Variants in CACNA2D3 observed in about 807,000 individuals in gnomAD.
The protein encoded by CACNA2D3 is calcium voltage-gated channel auxiliary subunit alpha2delta 3, also known as voltage-dependent calcium channel subunit alpha-2/delta-3.
Under a neutral mutation model 160.6 loss-of-function variants are expected in CACNA2D3, and 60 were observed. The observed-to-expected ratio is 0.37, with a 90% confidence interval of 0.30 to 0.46. The LOEUF is 0.46. Among genes scored for constraint, CACNA2D3 ranks in the 20% least tolerant of loss-of-function variants. The probability of loss-of-function intolerance (pLI) is 1.00; values close to 1 mark genes in which losing one functional copy is unlikely to be tolerated. For synonymous variants in CACNA2D3, 558 were observed against 492.9 expected, an observed-to-expected ratio of 1.13 and a Z score of -1.75; for missense variants, 1,205 against 1,365.0, an observed-to-expected ratio of 0.88 and a Z score of 1.85.
At chr3:54,806,497 G>A (rs1165735380) in intron 13 of CACNA2D3, among the ~76,000 whole-genome samples, 3 of 151,780 alleles carry the variant, frequency 2.0e-5, no homozygotes, top group Non-Finnish European at 2.9e-5. Flanking sequence ...AACTTACAAG[G>A]GATGTGAAGG....
intron 4 of CACNA2D3, among the ~76,000 whole-genome samples, chr3:54,495,809 C>A (rs1192622455): frequency 6.6e-6 from 1 of 152,132 alleles, no homozygotes; most frequent in African/African-American, 2.4e-5. Context: ...CTGTTGTGTA[C>A]CTCTCTAGTT....
At chr3:54,936,791 C>G (rs1456089792) in intron 27 of CACNA2D3, among the ~76,000 whole-genome samples, 1 of 152,138 alleles carries the variant, frequency 6.6e-6, no homozygotes, top group Non-Finnish European at 1.5e-5. Context: ...TGAAGCATGA[C>G]TATCAGAGTT....
chr3:54,712,403 G>A (rs553165112), intron 11 of CACNA2D3, among the ~76,000 whole-genome samples: 8 of 152,166 alleles, frequency 5.3e-5, no homozygotes, highest in East Asian at 3.9e-4. Context: ...ATTCCTATGC[G>A]TTGTGGGAGG....
chr3:55,028,309 T>A (rs1703608798), intron 35 of CACNA2D3, among the ~76,000 whole-genome samples: 1 of 152,184 alleles, frequency 6.6e-6, no homozygotes, highest in African/African-American at 2.4e-5. Flanking sequence ...TAGGGTTTAT[T>A]AAGAATGCAG....
chr3:54,614,080 T>A (rs537598005), intron 9 of CACNA2D3, among the ~76,000 whole-genome samples: 55 of 152,340 alleles, frequency 3.6e-4, no homozygotes, highest in African/African-American at 1.3e-3. Context: ...CAGCATGTTG[T>A]ACTTGGTGGC....
intron 2 of CACNA2D3, among the ~76,000 whole-genome samples, chr3:54,281,583 C>T (rs889391748): frequency 4.6e-5 from 7 of 152,128 alleles, no homozygotes; most frequent in African/African-American, 1.2e-4. Flanking sequence ...CAGATGTGTG[C>T]CCACCATGGT....
At chr3:54,631,471 C>T (rs1699236668) in intron 10 of CACNA2D3, among the ~76,000 whole-genome samples, 1 of 152,058 alleles carries the variant, frequency 6.6e-6, no homozygotes, top group African/African-American at 2.4e-5. Context: ...ATATTATTAT[C>T]TTCCTGTGTA....
chr3:54,445,628 A>G (rs1319354554), intron 4 of CACNA2D3, among the ~76,000 whole-genome samples: 1 of 151,618 alleles, frequency 6.6e-6, no homozygotes, highest in African/African-American at 2.4e-5. Context: ...TCATATCTTT[A>G]TTGCCAGTGA....
intron 27 of CACNA2D3, among the ~76,000 whole-genome samples, chr3:54,946,707 T>A (rs776377264): frequency 6.6e-6 from 1 of 152,052 alleles, no homozygotes; most frequent in South Asian, 2.1e-4. Flanking sequence ...AGCATGTTGC[T>A]TTGCTCACTT....
intron 5 of CACNA2D3, among the ~76,000 whole-genome samples, chr3:54,539,286 A>G (rs1701934050): frequency 6.6e-6 from 1 of 152,240 alleles, no homozygotes. Context: ...TAGCTGAGCA[A>G]ATGGAGAGTG....
intron 2 of CACNA2D3, among the ~76,000 whole-genome samples, chr3:54,195,421 CT>C (rs1421418502): frequency 1.3e-5 from 2 of 152,300 alleles, no homozygotes; most frequent in East Asian, 3.9e-4. Context: ...CAAAGAGAGT[CT>C]GACACAGAGA....
At chr3:54,241,154 C>G (rs2107407620) in intron 2 of CACNA2D3, among the ~76,000 whole-genome samples, 1 of 152,274 alleles carries the variant, frequency 6.6e-6, no homozygotes, top group South Asian at 2.1e-4. Flanking sequence ...TGGGGTCAGT[C>G]TATATCTTTG....
chr3:54,680,676 G>T (rs553505773), intron 11 of CACNA2D3, among the ~76,000 whole-genome samples: 1 of 152,192 alleles, frequency 6.6e-6, no homozygotes, highest in Non-Finnish European at 1.5e-5. Context: ...AGAATTGATC[G>T]AGGAGAGGCT....
At chr3:54,736,137 A>G (rs1455213855) in intron 11 of CACNA2D3, among the ~76,000 whole-genome samples, 1 of 82,786 alleles carries the variant, frequency 1.2e-5, no homozygotes, top group Non-Finnish European at 2.5e-5. Context: ...ATATGTATAT[A>G]TATACACACA....
chr3:54,988,905 G>C lies in CACNA2D3; in HGVS notation c.2690+1152G>C, dbSNP rs1702678308. 3.9e-5 allele frequency among the ~76,000 whole-genome samples: 6 copies of C among 152,342 alleles called. No individual in the cohort carries two copies. In the South Asian group the frequency reaches 1.2e-3, roughly 32 times the overall value. ...CTTGCTCTCAGGCCTGCCTGTAGCAGATCGTCCCCTCCTGCTCCCTTCCCT... is the reference window on the plus strand; with the variant it reads ...CTTGCTCTCAGGCCTGCCTGTAGCACATCGTCCCCTCCTGCTCCCTTCCCT... On this transcript the variant is annotated intron_variant, in intron 31 of 37. Coordinates refer to ENST00000474759, the MANE Select transcript of CACNA2D3 (RefSeq NM_018398.3).
intron 4 of CACNA2D3, among the ~76,000 whole-genome samples, chr3:54,424,844 T>G (rs544567360): frequency 6.6e-6 from 1 of 152,296 alleles, no homozygotes; most frequent in Admixed American, 6.5e-5. Flanking sequence ...ATTCTCCATA[T>G]TCCTGCATCG....
intron 11 of CACNA2D3, among the ~76,000 whole-genome samples, chr3:54,724,718 C>T (rs774074715): frequency 1.3e-5 from 2 of 152,094 alleles, no homozygotes; most frequent in Non-Finnish European, 2.9e-5. Context: ...TTCTTTGAAA[C>T]CAATGAGAAT....
chr3:54,348,107 T>C (rs1404253444), intron 3 of CACNA2D3, among the ~76,000 whole-genome samples: 1 of 152,198 alleles, frequency 6.6e-6, no homozygotes, highest in African/African-American at 2.4e-5. Context: ...GTTGATTGCA[T>C]CATAGGTTTG....
At chr3:54,457,413 GA>G (rs1700418670) in intron 4 of CACNA2D3, among the ~76,000 whole-genome samples, 1 of 152,000 alleles carries the variant, frequency 6.6e-6, no homozygotes. Context: ...ATTGTCATTA[GA>G]AAATATAGTT....
Sources: allele counts gnomAD v4.1 joint callset (sites outside exome capture counted in the v4.1 genomes callset), GRCh38; gene constraint gnomAD v4.1.1; transcripts MANE v1.5; gene names NCBI Gene and HGNC (gene_info 2026-07-23, HGNC 2026-07-21).